The following REEP5 variants were observed in gnomAD, a reference collection of about 807,000 sequenced individuals.
REEP5 encodes receptor accessory protein 5, also known as receptor expression-enhancing protein 5.
REEP5 carries 24 observed loss-of-function variants against 22.4 expected under a neutral mutation model. The observed-to-expected ratio is 1.07, with a 90% CI of 0.78 to 1.51. The LOEUF (loss-of-function observed/expected upper bound fraction) is 1.51, where lower values mean the gene tolerates loss of function less well. Ranked by LOEUF, REEP5 falls within the 40% of genes most tolerant of loss-of-function variation. The probability of loss-of-function intolerance (pLI) is 0.00; values close to 1 mark genes in which losing one functional copy is unlikely to be tolerated. For missense variants in REEP5, 252 were observed against 233.0 expected (o/e 1.08, Z -0.53); for synonymous variants, 103 against 88.6 (o/e 1.16, Z -0.92).
intron 4 of REEP5, among the ~76,000 whole-genome samples, chr5:112,883,419 A>G (rs1258427056): frequency 6.6e-6 from 1 of 152,200 alleles, no homozygotes; most frequent in African/African-American, 2.4e-5. Context: ...TCTCTGAAAG[A>G]AAAACTTTCT....
chr5:112,906,049 A>T (rs1768950701), intron 2 of REEP5, among the ~76,000 whole-genome samples: 1 of 152,246 alleles, frequency 6.6e-6, no homozygotes, highest in African/African-American at 2.4e-5. Flanking sequence ...CAGAATAAAG[A>T]GGTAGCAATT....
At chr5:112,878,953 C>G in intron 4 of REEP5, 118 bp from the exon 5 acceptor site, 2 of 1,486,604 alleles carry the variant, frequency 1.3e-6, no homozygotes, top group Non-Finnish European at 1.8e-6. Context: ...GACTCATGTT[C>G]AGGTGCGATC....
intron 3 of REEP5, chr5:112,893,833 C>T (rs1035020073): frequency 1.3e-5 from 2 of 152,184 alleles, no homozygotes; most frequent in Admixed American, 6.5e-5. Flanking sequence ...GCAAGTAGTT[C>T]GATGTTACTC....
At position 112,922,141 on chromosome 5, in the gene REEP5, T is replaced by G. The variant is rs34443022; in HGVS notation, c.50A>C (p.Asn17Thr). The change falls in exon 1 of 5, where the codon AAC (asparagine) becomes ACC (threonine). Residue 17 changes from asparagine (N) to threonine (T), a missense_variant. By Grantham distance (65) the Asn-to-Thr change is moderately conservative. Transcript: ENST00000379638. Reference sequence around the variant, plus strand: ...CTTGGCCAGAAGGTCAGTCATGCAGTTCTTCTCGTGCAGGAACCGGTCGAA... The same window carrying G: ...CTTGGCCAGAAGGTCAGTCATGCAGGTCTTCTCGTGCAGGAACCGGTCGAA... ...ERFDRFLHEK[N>T]CMTDLLAKLE... is the part of the protein sequence containing the mutation. 2.5e-6 allele frequency: 4 copies of G among 1,607,354 alleles called. No homozygotes were observed. In the South Asian group the frequency reaches 4.4e-5, roughly 18 times the overall value.
intron 2 of REEP5, among the ~76,000 whole-genome samples, chr5:112,909,724 T>C (rs1026348834): frequency 6.6e-5 from 10 of 152,298 alleles, no homozygotes; most frequent in East Asian, 3.9e-4. Flanking sequence ...CCCCAGTAAC[T>C]GGTACCAGTT....
At chr5:112,912,715 C>T (rs1415978629) in intron 2 of REEP5, among the ~76,000 whole-genome samples, 1 of 152,120 alleles carries the variant, frequency 6.6e-6, no homozygotes, top group Non-Finnish European at 1.5e-5. Flanking sequence ...CCATGCCCAC[C>T]ATGCATGGGA....
At chr5:112,900,389 G>C (rs1199943522) in intron 3 of REEP5, among the ~76,000 whole-genome samples, 1 of 151,988 alleles carries the variant, frequency 6.6e-6, no homozygotes, top group Non-Finnish European at 1.5e-5. Flanking sequence ...ATTTTGTCTT[G>C]CTTCTATACC....
At chr5:112,903,817 G>T (rs991898626) in intron 2 of REEP5, among the ~76,000 whole-genome samples, 2 of 152,280 alleles carry the variant, frequency 1.3e-5, no homozygotes, top group South Asian at 4.1e-4. Context: ...GGTGAATGTT[G>T]CTTTGAACTT....
At chr5:112,879,907 A>AC (rs1031207685) in intron 4 of REEP5, among the ~76,000 whole-genome samples, 3 of 151,300 alleles carry the variant, frequency 2.0e-5, no homozygotes, top group East Asian at 3.9e-4. Flanking sequence ...GAATGGTGAG[A>AC]CCCCCACCCC....
intron 2 of REEP5, among the ~76,000 whole-genome samples, chr5:112,914,075 C>T (rs1477075503): frequency 6.6e-6 from 1 of 150,434 alleles, no homozygotes; most frequent in Non-Finnish European, 1.5e-5. Context: ...TTGAGAAAGT[C>T]AAGGCTGCAG....
intron 2 of REEP5, among the ~76,000 whole-genome samples, chr5:112,904,929 G>C (rs550509117): frequency 8.6e-5 from 13 of 151,940 alleles, no homozygotes; most frequent in African/African-American, 3.1e-4. Flanking sequence ...AGAAATAAAA[G>C]AACTCCAAAT....
At chr5:112,912,118 TC>T (rs1215304420) in intron 2 of REEP5, among the ~76,000 whole-genome samples, 1 of 151,876 alleles carries the variant, frequency 6.6e-6, no homozygotes, top group Admixed American at 6.6e-5. Context: ...TTATCCCAAC[TC>T]CCCCCAACCC....
At chr5:112,881,128 CAAAA>C (rs58737941) in intron 4 of REEP5, among the ~76,000 whole-genome samples, 388 of 67,202 alleles carry the variant, frequency 5.8e-3, no homozygotes, top group Non-Finnish European at 6.8e-3. Context: ...GACTCTGTTT[CAAAA>C]AAAAAAAAAA....
At chr5:112,917,776 C>T (rs1316177681) in intron 2 of REEP5, among the ~76,000 whole-genome samples, 1 of 152,146 alleles carries the variant, frequency 6.6e-6, no homozygotes, top group Admixed American at 6.5e-5. Context: ...TGTATGATTC[C>T]GTCTACATGA....
rs779839064 is a variant in REEP5, at chr5:112,892,998, A to G, written c.352-5815T>C. On this transcript the variant is annotated intron_variant, in intron 3 of 4. Coordinates refer to ENST00000379638, the MANE Select transcript of REEP5 (RefSeq NM_005669.5). ...GCAGGAGCCACCGCAGCCGGAGCCA[A>G]AGTTCCTCTAGGTGCCGAAGTCGTG... The G allele has an allele frequency of 1.8e-5, 29 of 1,577,344 alleles. No homozygotes were observed. The African/African-American group carries it at 3.1e-4, about 17-fold the overall frequency.
intron 2 of REEP5, among the ~76,000 whole-genome samples, chr5:112,919,104 GGAGCA>G: frequency 6.6e-6 from 1 of 152,286 alleles, no homozygotes; most frequent in African/African-American, 2.4e-5. Flanking sequence ...CTCTGGCTAG[GGAGCA>G]TAAGAGTTAC....
chr5:112,906,384 T>C (rs1385732485), intron 2 of REEP5, among the ~76,000 whole-genome samples: 1 of 152,266 alleles, frequency 6.6e-6, no homozygotes, highest in Non-Finnish European at 1.5e-5. Flanking sequence ...AGTGGCAAGC[T>C]GGATAGCACT....
chr5:112,917,121 G>A (rs1580756618), intron 2 of REEP5, among the ~76,000 whole-genome samples: 1 of 152,196 alleles, frequency 6.6e-6, no homozygotes, highest in African/African-American at 2.4e-5. Context: ...AATATATAGT[G>A]CTGGACTCTC....
chr5:112,912,197 T>C (rs1419068049), intron 2 of REEP5, among the ~76,000 whole-genome samples: 4 of 152,142 alleles, frequency 2.6e-5, no homozygotes, highest in African/African-American at 9.7e-5. Context: ...CAAGAGGTAA[T>C]AATCAGCTCC....
Sources: gnomAD v4.1 joint callset for allele counts (sites outside exome capture counted in the v4.1 genomes callset) on GRCh38, gnomAD v4.1.1 for gene constraint, MANE v1.5 for transcripts, NCBI Gene and HGNC (gene_info 2026-07-23, HGNC 2026-07-21) for gene names.